The following GSN variants were observed in gnomAD, a reference collection of about 807,000 sequenced individuals.
GSN encodes gelsolin, also known as actin-depolymerizing factor.
Under a neutral mutation model 85.7 loss-of-function variants are expected in GSN, and 56 were observed. The ratio of observed to expected loss-of-function variants is 0.65; its 90% CI spans 0.53 to 0.82. The LOEUF (loss-of-function observed/expected upper bound fraction) is 0.82. Among genes scored for constraint, GSN ranks in the 40% least tolerant of loss-of-function variants. The pLI, the probability that GSN is intolerant of heterozygous loss-of-function variation, is 0.00. For synonymous variants in GSN, 373 were observed against 399.1 expected, an observed-to-expected ratio of 0.93 and a Z score of 0.78; for missense variants, 857 against 979.8, an observed-to-expected ratio of 0.87 and a Z score of 1.67.
chr9:121,321,689 C>T (rs2062473277), intron 11 of GSN, among the ~76,000 whole-genome samples: 1 of 152,178 alleles, frequency 6.6e-6, no homozygotes, highest in Non-Finnish European at 1.5e-5. Flanking sequence ...TTTATCCTCC[C>T]ACACATATTT....
rs764432229 is a variant in GSN, at chr9:121,326,610, G to T, written c.1515G>T (p.Gly505=). 4.0e-5 allele frequency: 64 copies of T among 1,607,292 alleles called. No individual in the cohort carries two copies. Among genetic ancestry groups the T allele is most frequent in the Non-Finnish European group, 4.8e-5 (56 of 1,176,492 alleles). ...AGGGCGGCACCTCCCGCGAGGGCGG[G>T]CAGACAGCCCCTGCCAGCACCCGCC... ...IYKGGTSREG[G]QTAPASTRLF... is the part of the protein sequence containing the mutation. The change falls in exon 13 of 18, where the codon GGG becomes GGT. Residue 505 remains glycine (G), a synonymous_variant. Coordinates refer to ENST00000432226, the MANE Select transcript of GSN (RefSeq NM_198252.3).
intron 8 of GSN, 35 bp downstream of exon 8, chr9:121,317,253 G>C: frequency 6.2e-7 from 1 of 1,611,340 alleles, no homozygotes; most frequent in Middle Eastern, 1.7e-4. Context: ...CAACTGGCCT[G>C]TAGGATCTTG....
intron 14 of GSN, 179 bp from the exon 15 acceptor site, chr9:121,328,712 T>G (rs1036635114): frequency 2.0e-5 from 14 of 683,832 alleles, no homozygotes; most frequent in Middle Eastern, 4.0e-4. Flanking sequence ...TGGGCCTCTA[T>G]TTCGTCACCT....
chr9:121,304,827 T>G (rs776421369), intron 4 of GSN, among the ~76,000 whole-genome samples: 7 of 152,148 alleles, frequency 4.6e-5, no homozygotes, highest in Non-Finnish European at 8.8e-5. Flanking sequence ...TGCCAGGCCC[T>G]GTGATGGGTG....
chr9:121,302,839 T>C, intron 3 of GSN, 72 bp from the exon 4 acceptor site: 4 of 1,514,822 alleles, frequency 2.6e-6, no homozygotes, highest in Non-Finnish European at 3.7e-6. Flanking sequence ...GGGTTCCTCC[T>C]CCACCTCCTC....
rs943051289 is a variant in GSN, at chr9:121,313,996, C to G, written c.726C>G (p.Ala242=). ...GTEDTAKEDA[A]NRKLAKLYKV... ...AGGACACCGCCAAGGAGGATGCGGCCAACCGCAAGCTGGCCAAGCTCTACA... is the reference window on the plus strand; with the variant it reads ...AGGACACCGCCAAGGAGGATGCGGCGAACCGCAAGCTGGCCAAGCTCTACA... The change falls in exon 7 of 18, where the codon GCC becomes GCG. Residue 242 remains alanine, a synonymous_variant. Coordinates refer to ENST00000432226, the MANE Select transcript of GSN (RefSeq NM_198252.3). 1 of 1,613,930 alleles carries G rather than the reference C, an allele frequency of 6.2e-7. No homozygotes were observed. The highest frequency in any genetic ancestry group is 1.3e-5 in the African/African-American group (1 of 74,946).
chr9:121,272,801 C>T (rs1276556110), intron 1 of GSN, among the ~76,000 whole-genome samples: 1 of 152,206 alleles, frequency 6.6e-6, no homozygotes. Flanking sequence ...GAAACTGAGG[C>T]TCAGTTTAGA....
intron 5 of GSN, among the ~76,000 whole-genome samples, chr9:121,245,140 C>CT (rs939690560): frequency 2.2e-4 from 34 of 152,164 alleles, no homozygotes; most frequent in African/African-American, 8.2e-4. Context: ...CCTTAAATCA[C>CT]TATCATTCGA....
intron 16 of GSN, among the ~76,000 whole-genome samples, chr9:121,330,508 G>A (rs1172415925): frequency 6.6e-6 from 1 of 152,196 alleles, no homozygotes; most frequent in African/African-American, 2.4e-5. Context: ...CCAGGAGGCG[G>A]AGGTTGCAGT....
At chr9:121,296,659 G>A (rs1278734362) in intron 2 of GSN, among the ~76,000 whole-genome samples, 1 of 152,154 alleles carries the variant, frequency 6.6e-6, no homozygotes, top group Non-Finnish European at 1.5e-5. Context: ...CCTAGCACTC[G>A]GGCCTCTTCC....
At chr9:121,310,246 C>G (rs1222389174) in intron 4 of GSN, 1 of 288,312 alleles carries the variant, frequency 3.5e-6, no homozygotes, top group East Asian at 9.0e-5. Flanking sequence ...AGAAGCATTC[C>G]CTATGCTTAT....
intron 10 of GSN, among the ~76,000 whole-genome samples, chr9:121,320,259 A>G (rs1218169195): frequency 6.6e-6 from 1 of 152,178 alleles, no homozygotes; most frequent in Non-Finnish European, 1.5e-5. Flanking sequence ...CCACTTGGAA[A>G]AAGCAGTGTC....
intron 5 of GSN, chr9:121,231,351 CCTT>C (rs762928989): frequency 6.6e-6 from 1 of 152,106 alleles, no homozygotes; most frequent in Non-Finnish European, 1.5e-5. Flanking sequence ...TAAAGGATTT[CCTT>C]CTTCTCTATC....
In GSN at chr9:121,321,370, G is replaced by C; in HGVS notation, c.1294G>C (p.Gly432Arg). 6.2e-7 allele frequency: 1 copy of C among 1,614,124 alleles called. No individual in the cohort carries two copies. Among genetic ancestry groups the C allele is most frequent in the East Asian group, 2.2e-5 (1 of 44,878 alleles). ...SYIILYNYRHGGRQGQIIYNW... is the reference protein window; with the variant it reads ...SYIILYNYRHRGRQGQIIYNW... ...CATCATTCTGTACAACTACCGCCAT[G>C]GTGGCCGCCAGGGGCAGATAATCTA... The change falls in exon 11 of 18, where the codon GGT becomes CGT. Residue 432 changes from glycine (G) to arginine (R), a missense_variant. By Grantham distance (125) the Gly-to-Arg change is moderately radical. Coordinates refer to ENST00000432226, the MANE Select transcript of GSN (RefSeq NM_198252.3).
Position 121,227,297 on chromosome 9 carries a change from A to G in GSN, c.-527-3868A>G, listed in dbSNP as rs561796134. ...TAATCCCAGCTACTAAGGAGGCTGA[A>G]ACAGGAGGATTGCTTGAACCCAGGA... On this transcript the variant is annotated intron_variant, in intron 4 of 24. Transcript: ENST00000373823. Among the ~76,000 whole-genome samples the G allele has an allele frequency of 9.4e-4, 143 of 152,112 alleles. 1 individual carries two copies. The highest frequency in any genetic ancestry group is 3.3e-3 in the South Asian group (16 of 4,806).
chr9:121,217,456 A>G (rs536776249), intron 4 of GSN, among the ~76,000 whole-genome samples: 29 of 152,114 alleles, frequency 1.9e-4, no homozygotes, highest in Non-Finnish European at 4.0e-4. Context: ...GGTTTGTTGT[A>G]CAGATTATTT....
chr9:121,201,742 C>A, the GSN span: 65 of 152,914 alleles, frequency 4.3e-4, no homozygotes, highest in Non-Finnish European at 8.4e-4. Flanking sequence ...GGGCGGTCGA[C>A]CGAGGCGCCG....
At chr9:121,328,015 G>A (rs1213438682) in intron 14 of GSN, among the ~76,000 whole-genome samples, 2 of 152,170 alleles carry the variant, frequency 1.3e-5, no homozygotes, top group Non-Finnish European at 2.9e-5. Context: ...CCCAGTGTGG[G>A]AAGGAGCAGT....
At chr9:121,206,730 A>G (rs1317907663), upstream of GSN, among the ~76,000 whole-genome samples, 1 of 152,100 alleles carries the variant, frequency 6.6e-6, no homozygotes, top group African/African-American at 2.4e-5. Context: ...GAAAAAAAAA[A>G]AAGAATGCAT....
Sources: allele counts gnomAD v4.1 joint callset (sites outside exome capture counted in the v4.1 genomes callset), GRCh38; gene constraint gnomAD v4.1.1; transcripts MANE v1.5; gene names NCBI Gene and HGNC (gene_info 2026-07-23, HGNC 2026-07-21).